The following SPTBN4 variants were observed in gnomAD, a reference collection of about 807,000 sequenced individuals.
The protein encoded by SPTBN4 is spectrin beta chain, non-erythrocytic 4.
Under a neutral mutation model 277.8 loss-of-function variants are expected in SPTBN4, and 96 were observed. The ratio of observed to expected loss-of-function variants is 0.35; its 90% CI spans 0.29 to 0.41. The LOEUF is 0.41. Among genes scored for constraint, SPTBN4 ranks in the 10% least tolerant of loss-of-function variants. SPTBN4 has a pLI of 1.00. For synonymous variants in SPTBN4, 1,481 were observed against 1,580.3 expected, an observed-to-expected ratio of 0.94 and a Z score of 1.49; for missense variants, 3,006 against 3,595.7, an observed-to-expected ratio of 0.84 and a Z score of 4.19.
In SPTBN4 at chr19:40,557,085, G is replaced by A. The variant is rs753127126; in HGVS notation, c.5352G>A (p.Leu1784=). 20 of 1,591,772 alleles carry A rather than the reference G, an allele frequency of 1.3e-5. No homozygotes were observed. Among genetic ancestry groups the A allele is most frequent in the Non-Finnish European group, 1.6e-5 (19 of 1,164,642 alleles). Residue 1784 remains leucine (L), a synonymous_variant, in exon 26 of 36, where the codon CTG becomes CTA. Transcript: ENST00000598249. ...CAGGTATGGCAGGGCGGGAACGGCT[G>A]GCAGCTGTGAACCAGATGGTGGATG... ...SETGMAGRER[L]AAVNQMVDEL...
At chr19:40,467,547 C>T (rs1006307132) in intron 1 of SPTBN4, among the ~76,000 whole-genome samples, 1 of 151,364 alleles carries the variant, frequency 6.6e-6, no homozygotes, top group Admixed American at 6.6e-5. Flanking sequence ...GTGTCTGGAC[C>T]GCAGGGAGAG....
chr19:40,516,905 G>A (rs1333344767), intron 15 of SPTBN4, among the ~76,000 whole-genome samples: 3 of 152,224 alleles, frequency 2.0e-5, no homozygotes, highest in Non-Finnish European at 4.4e-5. Context: ...TGGGATTACA[G>A]TGTAAGCTAC....
intron 2 of SPTBN4, among the ~76,000 whole-genome samples, chr19:40,478,054 G>A (rs965187013): frequency 1.6e-4 from 24 of 152,042 alleles, no homozygotes; most frequent in African/African-American, 5.8e-4. Flanking sequence ...TGGCCAGGCT[G>A]GTCTCGAACT....
chr19:40,550,030 G>A (rs745909137), intron 21 of SPTBN4, among the ~76,000 whole-genome samples: 36 of 152,182 alleles, frequency 2.4e-4, no homozygotes, highest in Non-Finnish European at 3.7e-4. Flanking sequence ...CAGCTACATG[G>A]GAGGCTGAGG....
At chr19:40,548,044 C>G (rs1862538423) in intron 20 of SPTBN4, among the ~76,000 whole-genome samples, 1 of 152,156 alleles carries the variant, frequency 6.6e-6, no homozygotes, top group Non-Finnish European at 1.5e-5. Context: ...GGCCCATGAC[C>G]ATTCATTAAA....
intron 18 of SPTBN4, among the ~76,000 whole-genome samples, 156 bp from the exon 19 acceptor site, chr19:40,532,468 AT>A (rs895643138): frequency 2.0e-5 from 3 of 152,064 alleles, no homozygotes; most frequent in African/African-American, 7.3e-5. Context: ...CACCCCCAAT[AT>A]AAAGGCCTCA....
In SPTBN4 at chr19:40,575,589, GAC is replaced by G. The variant is rs748823762; in HGVS notation, c.*24_*25del. ...AAGTGACTTCCCACCCCCAGGACCT[GAC>G]ACATCTCGTCTCCCCTCTTTTCCGC... On this transcript the variant is annotated 3_prime_UTR_variant, in exon 36 of 36. Coordinates refer to ENST00000598249, the MANE Select transcript of SPTBN4 (RefSeq NM_020971.3). 1 of 1,599,140 alleles carries G rather than the reference GAC, an allele frequency of 6.3e-7. No individual in the cohort carries two copies. The highest frequency in any genetic ancestry group is 1.3e-5 in the African/African-American group (1 of 74,704).
intron 17 of SPTBN4, among the ~76,000 whole-genome samples, chr19:40,526,127 G>A (rs573655209): frequency 5.3e-5 from 8 of 150,628 alleles, no homozygotes; most frequent in African/African-American, 2.0e-4. Flanking sequence ...GCTTCAGCTT[G>A]CCTGGCCCCT....
chr19:40,504,510 T>C (rs377129650), intron 12 of SPTBN4, among the ~76,000 whole-genome samples: 46 of 151,810 alleles, frequency 3.0e-4, no homozygotes, highest in African/African-American at 1.1e-3. Context: ...CTACTAAAAA[T>C]ACAAAACAAT....
chr19:40,504,147 G>C lies in SPTBN4; in HGVS notation c.1665+15G>C. On this transcript the variant is annotated intron_variant, in intron 12 of 35. Coordinates refer to ENST00000598249, the MANE Select transcript of SPTBN4 (RefSeq NM_020971.3). ...AGGAGATGCAGGTGCCGGCGGGGGG[G>C]CGGGGATGCGGGTGGAGTGCCAGGA... 1.9e-6 allele frequency: 2 copies of C among 1,047,670 alleles called. No individual in the cohort carries two copies. Among genetic ancestry groups the C allele is most frequent in the Non-Finnish European group, 2.8e-6 (2 of 706,054 alleles). 64.9% of individuals were successfully genotyped at this position (1,047,670 alleles called of 1,614,324 possible). A position where few individuals can be genotyped will look rare whatever the true frequency, so the allele number is the denominator to read the frequency against.
chr19:40,481,094 G>A (rs1032678757), intron 2 of SPTBN4, among the ~76,000 whole-genome samples: 1 of 151,992 alleles, frequency 6.6e-6, no homozygotes. Context: ...ATAAATGGTG[G>A]TGTTCTCAAG....
At position 40,513,002 on chromosome 19, in the gene SPTBN4, C is replaced by T; in HGVS notation, c.2213C>T (p.Thr738Ile). Reference protein sequence around the residue: ...AGGAVGPGADTVHLVGLAERA... With the variant: ...AGGAVGPGADIVHLVGLAERA... ...GGTGCCGTCGGCCCGGGAGCAGACA[C>T]CGTGCACCTGGTAGGCCTGGCGGAG... Residue 738 changes from threonine to isoleucine, a missense_variant, in exon 14 of 36, where the codon ACC (threonine) becomes ATC (isoleucine). Thr to Ile is a moderately conservative substitution (Grantham distance 89). Around this residue, in one of 5 missense-constraint regions of SPTBN4, gnomAD observed 1,759 missense variants for 2,061.5 expected, o/e 0.85. Coordinates refer to ENST00000598249, the MANE Select transcript of SPTBN4 (RefSeq NM_020971.3). 7.0e-7 allele frequency: 1 copy of T among 1,436,198 alleles called. No individual in the cohort carries two copies. 89.0% of individuals were successfully genotyped at this position (1,436,198 alleles called of 1,614,324 possible).
At chr19:40,485,867 G>A (rs1227356044) in intron 2 of SPTBN4, among the ~76,000 whole-genome samples, 1 of 151,342 alleles carries the variant, frequency 6.6e-6, no homozygotes, top group South Asian at 2.1e-4. Flanking sequence ...TTTCTCCAAA[G>A]ATATACAACT....
At chr19:40,523,227 G>A (rs1195207760) in intron 16 of SPTBN4, among the ~76,000 whole-genome samples, 1 of 152,224 alleles carries the variant, frequency 6.6e-6, no homozygotes, top group Non-Finnish European at 1.5e-5. Context: ...GAGACCTGAA[G>A]AAAGTGAAGG....
At chr19:40,497,949 C>T (rs1390507708) in intron 7 of SPTBN4, among the ~76,000 whole-genome samples, 1 of 151,874 alleles carries the variant, frequency 6.6e-6, no homozygotes, top group East Asian at 1.9e-4. Context: ...CTCCCACTCC[C>T]CTACCCCAGC....
chr19:40,475,267 A>G (rs1185102109), intron 2 of SPTBN4, among the ~76,000 whole-genome samples: 1 of 152,100 alleles, frequency 6.6e-6, no homozygotes, highest in Non-Finnish European at 1.5e-5. Flanking sequence ...ATGACACCCT[A>G]GCACCTTTGA....
intron 5 of SPTBN4, 81 bp from the exon 6 acceptor site, chr19:40,494,816 C>A (rs1211605979): frequency 2.5e-6 from 3 of 1,212,482 alleles, no homozygotes; most frequent in African/African-American, 1.5e-5. Flanking sequence ...CCCTATCATT[C>A]GGTCTCCCTC....
chr19:40,570,624 C>G lies in SPTBN4; in HGVS notation c.7215C>G (p.Gly2405=), dbSNP rs770857632. The G allele has an allele frequency of 8.2e-5, 121 of 1,477,034 alleles. 3 individuals are homozygous for G. In the East Asian group the frequency reaches 3.6e-3, roughly 44 times the overall value. The allele number at this position is 1,477,034 out of a possible 1,614,324, so 91.5% of individuals were successfully genotyped here. The change falls in exon 33 of 36, where the codon GGC becomes GGG. Residue 2405 remains glycine, a synonymous_variant. Transcript: ENST00000598249. ...GCTCGCGCTCCGCCCCGGCCCAGGG[C>G]GGCTCCGCCCCCGCGCCTCCGCCAC... is the stretch of plus-strand genomic sequence containing the variant. ...SRRSRSAPAQ[G]GSAPAPPPPP... is the part of the protein sequence containing the mutation.
chr19:40,493,064 C>T lies in SPTBN4; in HGVS notation c.587+10C>T. 3 of 1,613,740 alleles carry T rather than the reference C, an allele frequency of 1.9e-6. No individual in the cohort carries two copies. Among genetic ancestry groups the T allele is most frequent in the Non-Finnish European group, 1.7e-6 (2 of 1,179,722 alleles). On this transcript the variant is annotated intron_variant, in intron 5 of 35. Transcript: ENST00000598249. ...AGATGAAGACAGCTGGGTAAGCACC[C>T]CCACCACCTTCCTTAGGAGGTTAGG...
Sources: allele counts gnomAD v4.1 joint callset (sites outside exome capture counted in the v4.1 genomes callset), GRCh38; gene constraint gnomAD v4.1.1; regional missense constraint gnomAD v4.1.1; transcripts MANE v1.5; gene names NCBI Gene and HGNC (gene_info 2026-07-23, HGNC 2026-07-21).